Variants in TM7SF3 observed in about 807,000 individuals in gnomAD.
TM7SF3 encodes transmembrane 7 superfamily member 3.
A neutral mutation model predicts 65.5 loss-of-function variants in TM7SF3; 60 were observed. That is an observed-to-expected ratio of 0.92 (90% CI 0.74 to 1.14). The LOEUF is 1.14. TM7SF3 is among the 50% of genes most tolerant of loss of function. The pLI is 0.00. For missense variants in TM7SF3, 623 were observed against 684.8 expected (o/e 0.91, Z 1.01); for synonymous variants, 264 against 259.6 (o/e 1.02, Z -0.16).
chr12:26,977,261 C>A, intron 9 of TM7SF3, among the ~76,000 whole-genome samples: 1 of 152,216 alleles, frequency 6.6e-6, no homozygotes, highest in Admixed American at 6.5e-5. Context: ...TATTAACCTT[C>A]ACAAAATACA....
Position 26,975,615 on chromosome 12 carries a change from A to G in TM7SF3, c.1331T>C (p.Val444Ala). 1 of 1,614,034 alleles carries G rather than the reference A, an allele frequency of 6.2e-7. No individual in the cohort carries two copies. The highest frequency in any genetic ancestry group is 8.5e-7 in the Non-Finnish European group (1 of 1,179,976). Residue 444 changes from valine (V) to alanine (A), a missense_variant, in exon 11 of 12, where the codon GTT becomes GCT. Physicochemically the swap from Val to Ala is moderately conservative, Grantham distance 64 (BLOSUM62 0). Transcript: ENST00000343028. ...GGACCAGTAACTGTCAATGGCTAAA[A>G]CCACCGAATAGGAGCCAATGACTCC... ...TCGVIGSYSV[V>A]LAIDSYWSTS...
chr12:27,012,887 A>G (rs1479261319), intron 1 of TM7SF3: 5 of 360,220 alleles, frequency 1.4e-5, no homozygotes, highest in Non-Finnish European at 2.7e-5. Context: ...AATCCCAGCT[A>G]CTCTGGAGGC....
chr12:26,990,761 T>C lies in TM7SF3; in HGVS notation c.691-134A>G. On this transcript the variant is annotated intron_variant, in intron 5 of 11. Coordinates refer to ENST00000343028, the MANE Select transcript of TM7SF3 (RefSeq NM_016551.3). ...CTTGCTTAAAATATACACCAACCCA[T>C]TTAATATGGTCAAAAGGCCATCTTA... The C allele has an allele frequency of 1.3e-5, 8 of 622,268 alleles. No individual in the cohort carries two copies. The South Asian group carries it at 1.8e-4, about 14-fold the overall frequency. The allele number at this position is 622,268 out of a possible 1,614,324, so 38.5% of individuals were successfully genotyped here.
At chr12:27,014,007 T>TG in intron 1 of TM7SF3, 71 bp downstream of exon 1, 1 of 1,320,670 alleles carries the variant, frequency 7.6e-7, no homozygotes, top group South Asian at 1.3e-5. Flanking sequence ...GACAGACCCC[T>TG]GGCGGATTTT....
intron 9 of TM7SF3, among the ~76,000 whole-genome samples, chr12:26,976,843 G>A (rs1228803833): frequency 2.6e-5 from 4 of 152,272 alleles, no homozygotes; most frequent in South Asian, 4.1e-4. Flanking sequence ...GATTTTTACC[G>A]TCAAAGCATG....
At chr12:27,009,304 T>C in intron 1 of TM7SF3, among the ~76,000 whole-genome samples, 1 of 152,160 alleles carries the variant, frequency 6.6e-6, no homozygotes, top group Non-Finnish European at 1.5e-5. Context: ...CTGCTGGGAT[T>C]TTGATTGGGA....
chr12:27,000,396 TCA>T (rs1940780990), intron 2 of TM7SF3, among the ~76,000 whole-genome samples: 1 of 152,210 alleles, frequency 6.6e-6, no homozygotes, highest in Non-Finnish European at 1.5e-5. Context: ...CCCAAGGAGT[TCA>T]GTTTTCGAGG....
intron 3 of TM7SF3, 147 bp downstream of exon 3, chr12:26,999,379 G>C (rs1412009126): frequency 1.3e-6 from 1 of 751,276 alleles, no homozygotes; most frequent in African/African-American, 1.8e-5. Context: ...CTGGGTGACA[G>C]TGCGAGACTC....
intron 2 of TM7SF3, 43 bp from the exon 3 acceptor site, chr12:26,999,719 A>G: frequency 6.2e-7 from 1 of 1,608,958 alleles, no homozygotes; most frequent in Non-Finnish European, 8.5e-7. Context: ...GAAGTCGACC[A>G]AAACATAAAT....
intron 2 of TM7SF3, among the ~76,000 whole-genome samples, chr12:27,001,755 T>C (rs1940839892): frequency 6.6e-6 from 1 of 152,196 alleles, no homozygotes; most frequent in South Asian, 2.1e-4. Context: ...CTATGTGCCA[T>C]TTTACTAAGT....
At chr12:27,014,050 T>C (rs1454818941) in intron 1 of TM7SF3, 28 bp downstream of exon 1, 24 of 1,544,484 alleles carry the variant, frequency 1.6e-5, no homozygotes, top group Non-Finnish European at 1.9e-5. Flanking sequence ...CAACTTTGGG[T>C]TGCAGAAGCC....
Position 27,013,302 on chromosome 12 carries a change from A to G in TM7SF3, c.91+776T>C, listed in dbSNP as rs1941320810. Among the ~76,000 whole-genome samples, 3 of 152,214 alleles carry G rather than the reference A, an allele frequency of 2.0e-5. No homozygotes were observed. In the South Asian group the frequency reaches 6.2e-4, roughly 32 times the overall value. ...TTGGATATGAGACAACAGAGAACAC[A>G]GTTTTTGTCCATTTGTCTTTTTTAA... On this transcript the variant is annotated intron_variant, in intron 1 of 11. Coordinates refer to ENST00000343028, the MANE Select transcript of TM7SF3 (RefSeq NM_016551.3).
At chr12:26,986,791 T>A (rs143454411) in intron 6 of TM7SF3, among the ~76,000 whole-genome samples, 123 of 152,292 alleles carry the variant, frequency 8.1e-4, no homozygotes, top group African/African-American at 2.7e-3. Flanking sequence ...ACCTCTCCAC[T>A]GCAACAGCTC....
intron 3 of TM7SF3, among the ~76,000 whole-genome samples, chr12:26,997,396 G>A (rs747414764): frequency 1.3e-5 from 2 of 152,080 alleles, no homozygotes; most frequent in African/African-American, 2.4e-5. Context: ...CAAATTCTAT[G>A]CTCTTCTTTC....
chr12:26,980,692 G>T, intron 7 of TM7SF3, 46 bp from the exon 8 acceptor site: 1 of 1,026,848 alleles, frequency 9.7e-7, no homozygotes, highest in Non-Finnish European at 1.5e-6. Flanking sequence ...AACAACAAAA[G>T]CTATGGTTAA....
At chr12:26,975,778 G>C in intron 10 of TM7SF3, 120 bp from the exon 11 acceptor site, 1 of 1,058,006 alleles carries the variant, frequency 9.5e-7, no homozygotes. Flanking sequence ...AAAAGGACCA[G>C]ACCCACTCAG....
chr12:27,013,146 ACTCT>A (rs1231834948), intron 1 of TM7SF3: 3 of 170,724 alleles, frequency 1.8e-5, no homozygotes, highest in African/African-American at 7.2e-5. Flanking sequence ...TTTTAGTTTT[ACTCT>A]CTATTAAATT....
intron 1 of TM7SF3, among the ~76,000 whole-genome samples, chr12:27,009,350 G>T (rs911228434): frequency 6.6e-6 from 1 of 152,026 alleles, no homozygotes; most frequent in Non-Finnish European, 1.5e-5. Context: ...AGGAAGAAAT[G>T]ATACCTTTAA....
At chr12:26,991,200 C>T (rs979008683) in intron 5 of TM7SF3, among the ~76,000 whole-genome samples, 9 of 138,650 alleles carry the variant, frequency 6.5e-5, no homozygotes, top group African/African-American at 2.2e-4. Flanking sequence ...GGCCGGACTG[C>T]GGACTGCAGT....
Sources: gnomAD v4.1 joint callset for allele counts (sites outside exome capture counted in the v4.1 genomes callset) on GRCh38, gnomAD v4.1.1 for gene constraint, MANE v1.5 for transcripts, NCBI Gene and HGNC (gene_info 2026-07-23, HGNC 2026-07-21) for gene names.